The following GRID1 variants were observed in gnomAD, a reference collection of about 807,000 sequenced individuals.
The protein encoded by GRID1 is glutamate ionotropic receptor delta type subunit 1.
A neutral mutation model predicts 98.0 loss-of-function variants in GRID1; 28 were observed. The ratio of observed to expected loss-of-function variants is 0.29; its 90% CI spans 0.21 to 0.39. The LOEUF (loss-of-function observed/expected upper bound fraction) is 0.39, where lower values mean the gene tolerates loss of function less well. Ranked by LOEUF, GRID1 falls within the 10% of genes least tolerant of loss-of-function variation. GRID1 has a pLI of 1.00. For missense variants in GRID1, 1,111 were observed against 1,340.5 expected, an observed-to-expected ratio of 0.83 and a Z score of 2.67; for synonymous variants, 553 against 538.5, an observed-to-expected ratio of 1.03 and a Z score of -0.37.
At chr10:85,931,108 A>G (rs1057490239) in intron 4 of GRID1, among the ~76,000 whole-genome samples, 18 of 152,168 alleles carry the variant, frequency 1.2e-4, no homozygotes, top group African/African-American at 4.1e-4. Context: ...CTGAGACTAC[A>G]GGCATGAGCC....
intron 2 of GRID1, among the ~76,000 whole-genome samples, chr10:86,255,352 T>C (rs1449512078): frequency 2.6e-5 from 4 of 152,192 alleles, no homozygotes; most frequent in South Asian, 2.1e-4. Context: ...ACAAGACTCT[T>C]TGGGACATTA....
intron 4 of GRID1, among the ~76,000 whole-genome samples, chr10:85,978,236 G>A (rs1432845605): frequency 6.6e-6 from 1 of 152,174 alleles, no homozygotes; most frequent in Non-Finnish European, 1.5e-5. Flanking sequence ...ACACCATGCA[G>A]ATGCCAAGGC....
intron 4 of GRID1, among the ~76,000 whole-genome samples, chr10:86,025,954 C>A (rs1341592089): frequency 6.6e-6 from 1 of 152,246 alleles, no homozygotes. Context: ...TATAGTCCTT[C>A]TGTGCCCTGG....
At chr10:85,829,478 G>T (rs962144510) in intron 8 of GRID1, among the ~76,000 whole-genome samples, 2 of 151,984 alleles carry the variant, frequency 1.3e-5, no homozygotes, top group Non-Finnish European at 2.9e-5. Flanking sequence ...AGAAATAAAG[G>T]GCATCCCAAT....
intron 8 of GRID1, among the ~76,000 whole-genome samples, chr10:85,824,021 A>G (rs1010131172): frequency 2.6e-4 from 40 of 152,236 alleles, no homozygotes; most frequent in African/African-American, 9.7e-4. Flanking sequence ...AAGGACTAAG[A>G]ACAATTGAAA....
At chr10:85,943,432 C>T (rs1363772197) in intron 4 of GRID1, among the ~76,000 whole-genome samples, 2 of 152,018 alleles carry the variant, frequency 1.3e-5, no homozygotes, top group Non-Finnish European at 2.9e-5. Context: ...ATTACCTCAC[C>T]ATGGAACTAG....
intron 8 of GRID1, among the ~76,000 whole-genome samples, chr10:85,776,438 A>G (rs146773884): frequency 1.0e-3 from 157 of 152,322 alleles, no homozygotes; most frequent in Admixed American, 2.4e-3. Context: ...CACCTTCTCC[A>G]CTTAGGAGAA....
chr10:86,299,480 C>A (rs1847649576), intron 2 of GRID1, among the ~76,000 whole-genome samples: 1 of 151,520 alleles, frequency 6.6e-6, no homozygotes, highest in African/African-American at 2.4e-5. Context: ...CTATCCCTCC[C>A]CCCTCGCCCC....
chr10:85,641,114 A>G (rs1843111218), intron 13 of GRID1, among the ~76,000 whole-genome samples: 1 of 152,210 alleles, frequency 6.6e-6, no homozygotes, highest in African/African-American at 2.4e-5. Context: ...TGATTTATGG[A>G]AAGGCTTAAT....
intron 4 of GRID1, among the ~76,000 whole-genome samples, chr10:85,974,423 A>C (rs1842446470): frequency 6.6e-6 from 1 of 152,256 alleles, no homozygotes; most frequent in Non-Finnish European, 1.5e-5. Context: ...TAGCAAGAAC[A>C]CAAGAAATGT....
intron 2 of GRID1, among the ~76,000 whole-genome samples, chr10:86,334,300 C>T (rs1270766867): frequency 6.6e-6 from 1 of 152,188 alleles, no homozygotes; most frequent in Non-Finnish European, 1.5e-5. Flanking sequence ...ACTGCTGCTG[C>T]TGGCTGTCTA....
chr10:85,965,616 T>TCA lies in GRID1; in HGVS notation c.727-49379_727-49378dup, dbSNP rs1458180346. Reference sequence around the variant, plus strand: ...ACACATGGACATAGGGAGAGGAACATCACACACCAGGGCCTGTCAGGGGGT... The same window carrying TCA: ...ACACATGGACATAGGGAGAGGAACATCACACACACCAGGGCCTGTCAGGGGGT... On this transcript the variant is annotated intron_variant, in intron 4 of 15. Transcript: ENST00000327946. 8.6e-5 allele frequency among the ~76,000 whole-genome samples: 13 copies of TCA among 152,020 alleles called. No homozygotes were observed. The South Asian group carries it at 1.7e-3, about 19-fold the overall frequency.
intron 12 of GRID1, among the ~76,000 whole-genome samples, chr10:85,705,822 A>C (rs912095174): frequency 6.6e-6 from 1 of 152,208 alleles, no homozygotes; most frequent in Non-Finnish European, 1.5e-5. Context: ...CAAATAAATA[A>C]ATGTAATCCA....
At chr10:85,926,772 C>T (rs1037234116) in intron 4 of GRID1, among the ~76,000 whole-genome samples, 8 of 152,022 alleles carry the variant, frequency 5.3e-5, no homozygotes, top group Non-Finnish European at 1.2e-4. Context: ...AAAGGGCATT[C>T]GATTTGTAGG....
chr10:85,638,772 A>G (rs918442835), intron 13 of GRID1, among the ~76,000 whole-genome samples: 40 of 152,214 alleles, frequency 2.6e-4, no homozygotes, highest in African/African-American at 9.2e-4. Context: ...TTAACAAAAG[A>G]CTTAAGCACA....
intron 2 of GRID1, among the ~76,000 whole-genome samples, chr10:86,280,085 C>T (rs908930956): frequency 2.0e-5 from 3 of 152,034 alleles, no homozygotes; most frequent in South Asian, 2.1e-4. Flanking sequence ...CATCTTTACT[C>T]GCAGCTACCC....
intron 12 of GRID1, among the ~76,000 whole-genome samples, chr10:85,706,057 AG>A (rs1841514285): frequency 6.6e-6 from 1 of 152,236 alleles, no homozygotes; most frequent in Non-Finnish European, 1.5e-5. Context: ...GGCACAAGAC[AG>A]GGATGCCCTC....
chr10:86,338,043 G>C (rs920893000), intron 2 of GRID1, among the ~76,000 whole-genome samples: 4 of 152,196 alleles, frequency 2.6e-5, no homozygotes, highest in Non-Finnish European at 4.4e-5. Flanking sequence ...GTTTTGGAAA[G>C]AAGTGAGACA....
At chr10:86,319,196 C>T (rs372625791) in intron 2 of GRID1, among the ~76,000 whole-genome samples, 1 of 152,096 alleles carries the variant, frequency 6.6e-6, no homozygotes, top group Non-Finnish European at 1.5e-5. Context: ...CAAAATGAGA[C>T]AAGATCATGA....
Sources: gnomAD v4.1 joint callset for allele counts (sites outside exome capture counted in the v4.1 genomes callset) on GRCh38, gnomAD v4.1.1 for gene constraint, MANE v1.5 for transcripts, NCBI Gene and HGNC (gene_info 2026-07-23, HGNC 2026-07-21) for gene names.